The following FANK1 variants were observed in gnomAD, a reference collection of about 807,000 sequenced individuals.
The protein encoded by FANK1 is fibronectin type III and ankyrin repeat domains 1.
FANK1 carries 44 observed loss-of-function variants against 45.3 expected under a neutral mutation model. The observed-to-expected ratio is 0.97, with a 90% CI of 0.76 to 1.25. FANK1 has a LOEUF of 1.25. FANK1 is among the 50% of genes most tolerant of loss of function. FANK1 has a pLI of 0.00. For synonymous variants in FANK1, 149 were observed against 152.5 expected (o/e 0.98, Z 0.17); for missense variants, 391 against 424.4 (o/e 0.92, Z 0.69).
At chr10:125,959,414 A>AAAAG (rs1491351759) in intron 1 of FANK1, among the ~76,000 whole-genome samples, 1 of 18,194 alleles carries the variant, frequency 5.5e-5, no homozygotes, top group Non-Finnish European at 1.4e-4. Context: ...ACTCTGTCTC[A>AAAAG]AAAAAAAAAA....
chr10:125,940,835 T>G (rs575080138), intron 1 of FANK1, among the ~76,000 whole-genome samples: 1 of 152,264 alleles, frequency 6.6e-6, no homozygotes, highest in Admixed American at 6.5e-5. Flanking sequence ...GGCGATGACT[T>G]TTACCAAGCA....
chr10:125,972,160 GAATA>G (rs1223428906), intron 1 of FANK1: 1 of 152,196 alleles, frequency 6.6e-6, no homozygotes, highest in East Asian at 1.9e-4. Flanking sequence ...AAAGTTAAAT[GAATA>G]AATAAAGCAT....
Position 125,977,647 on chromosome 10 carries a change from G to A in FANK1, c.14-2514G>A, listed in dbSNP as rs111442926. ...AGATCTTAGCAGGGGTTGTGGCCGG[G>A]GGTTATTTGCTTGCTCCACCTCAGA... On this transcript the variant is annotated intron_variant, in intron 1 of 10. Transcript: ENST00000368693. Among the ~76,000 whole-genome samples, 417 of 152,194 alleles carry A rather than the reference G, an allele frequency of 2.7e-3. 1 individual carries two copies. The highest frequency in any genetic ancestry group is 9.6e-3 in the African/African-American group (398 of 41,524).
At chr10:125,968,564 T>G (rs150172174) in intron 1 of FANK1, among the ~76,000 whole-genome samples, 72 of 152,352 alleles carry the variant, frequency 4.7e-4, no homozygotes, top group African/African-American at 1.7e-3. Flanking sequence ...TTCCCACTTT[T>G]CATGATACAA....
At chr10:125,980,089 G>A in intron 1 of FANK1, 72 bp from the exon 2 acceptor site, 2 of 1,497,348 alleles carry the variant, frequency 1.3e-6, no homozygotes, top group South Asian at 2.6e-5. Context: ...CCAAGCAGCT[G>A]TAATCCACTC....
At chr10:125,962,988 T>G (rs1590066228) in intron 1 of FANK1, among the ~76,000 whole-genome samples, 1 of 55,904 alleles carries the variant, frequency 1.8e-5, no homozygotes, top group Non-Finnish European at 4.8e-5. Context: ...ATTACTGTGG[T>G]TTTTTTTTTT....
chr10:125,980,574 T>C (rs904670757), intron 2 of FANK1: 2 of 455,028 alleles, frequency 4.4e-6, no homozygotes, highest in African/African-American at 2.0e-5. Context: ...TTTAATGATA[T>C]GTATTTAAAA....
chr10:125,914,267 C>T (rs1234645640), intron 1 of FANK1, among the ~76,000 whole-genome samples: 1 of 95,846 alleles, frequency 1.0e-5, no homozygotes, highest in Non-Finnish European at 2.3e-5. Flanking sequence ...TCCAGCTCAG[C>T]ATCTTTGTAT....
At chr10:125,970,782 A>C (rs546689114) in intron 1 of FANK1, among the ~76,000 whole-genome samples, 1 of 152,298 alleles carries the variant, frequency 6.6e-6, no homozygotes, top group Admixed American at 6.5e-5. Context: ...CAGCCTCGGC[A>C]ACAGAGGGGG....
At chr10:125,913,772 G>T (rs1372538347) in intron 1 of FANK1, among the ~76,000 whole-genome samples, 1 of 152,138 alleles carries the variant, frequency 6.6e-6, no homozygotes, top group African/African-American at 2.4e-5. Flanking sequence ...ATCAGGGGAG[G>T]CTGAGACCCA....
intron 1 of FANK1, among the ~76,000 whole-genome samples, chr10:125,966,225 T>C (rs997661295): frequency 2.0e-4 from 30 of 152,182 alleles, no homozygotes; most frequent in African/African-American, 7.0e-4. Flanking sequence ...TTACTTACTT[T>C]TAAAGGATAA....
intron 1 of FANK1, among the ~76,000 whole-genome samples, chr10:125,974,324 A>T (rs1045312255): frequency 4.0e-5 from 6 of 151,126 alleles, no homozygotes; most frequent in African/African-American, 1.2e-4. Flanking sequence ...CTGCAGGAAG[A>T]CCCCTGGGTC....
chr10:126,001,667 A>C (rs1952769370), intron 6 of FANK1, among the ~76,000 whole-genome samples: 1 of 152,180 alleles, frequency 6.6e-6, no homozygotes, highest in African/African-American at 2.4e-5. Context: ...GTTTGAGTTC[A>C]GATGGCAGTT....
intron 1 of FANK1, among the ~76,000 whole-genome samples, chr10:125,930,664 TTA>T (rs1429674270): frequency 6.6e-6 from 1 of 152,116 alleles, no homozygotes; most frequent in Non-Finnish European, 1.5e-5. Context: ...AGTGTCACCT[TTA>T]TTATAAATCA....
intron 1 of FANK1, among the ~76,000 whole-genome samples, chr10:125,964,383 G>A (rs563480842): frequency 5.3e-5 from 8 of 151,658 alleles, no homozygotes; most frequent in African/African-American, 1.9e-4. Flanking sequence ...AGTGCAGATG[G>A]GGTTTCACTA....
chr10:125,997,523 C>T lies in FANK1; in HGVS notation c.539+38C>T, dbSNP rs749102875. ...ATATGACTGAAATTGTGCTGATGTT[C>T]TCAGAATTGTGTTGCTAGGCTTGTG... On this transcript the variant is annotated intron_variant, in intron 6 of 10. Coordinates refer to ENST00000368693, the MANE Select transcript of FANK1 (RefSeq NM_145235.5). 3 of 1,585,600 alleles carry T rather than the reference C, an allele frequency of 1.9e-6. 1 individual carries two copies. The South Asian group carries it at 3.4e-5, about 18-fold the overall frequency.
Position 125,935,905 on chromosome 10 carries a change from TATATG to T in FANK1, c.13+39252_13+39256del, listed in dbSNP as rs147836002. Among the ~76,000 whole-genome samples, 720 of 152,326 alleles carry T rather than the reference TATATG, an allele frequency of 4.7e-3. 41 individuals are homozygous for T. The East Asian group carries it at 0.096, about 20-fold the overall frequency. On this transcript the variant is annotated intron_variant, in intron 1 of 10. Transcript: ENST00000368693. ...GACTTGCATAAATGTCTTGCTATAT[TATATG>T]AAGACTACATTTTTAAGCTAATAAG...
Position 125,950,621 on chromosome 10 carries a change from A to T in FANK1, c.14-29540A>T, listed in dbSNP as rs1322558688. 7.9e-5 allele frequency among the ~76,000 whole-genome samples: 12 copies of T among 152,318 alleles called. No individual in the cohort carries two copies. The South Asian group carries it at 1.0e-3, about 13-fold the overall frequency. On this transcript the variant is annotated intron_variant, in intron 1 of 10. Coordinates refer to ENST00000368693, the MANE Select transcript of FANK1 (RefSeq NM_145235.5). Reference sequence around the variant, plus strand: ...GGTGCTGGAGAGGATGTGGAGAAATAGGAACACTTTTACACTGTTGGTGGG... The same window carrying T: ...GGTGCTGGAGAGGATGTGGAGAAATTGGAACACTTTTACACTGTTGGTGGG...
intron 1 of FANK1, among the ~76,000 whole-genome samples, chr10:125,937,617 A>G (rs1948187084): frequency 6.6e-6 from 1 of 152,230 alleles, no homozygotes; most frequent in African/African-American, 2.4e-5. Flanking sequence ...ATATTAAAAA[A>G]TAAATAGGAT....
Sources: allele counts gnomAD v4.1 joint callset (sites outside exome capture counted in the v4.1 genomes callset), GRCh38; gene constraint gnomAD v4.1.1; transcripts MANE v1.5; gene names NCBI Gene and HGNC (gene_info 2026-07-23, HGNC 2026-07-21).